CDC73: variants seen among roughly 807,000 people sequenced by gnomAD.
CDC73 encodes the protein parafibromin.
CDC73 carries 21 observed loss-of-function variants against 83.7 expected under a neutral mutation model. The observed-to-expected ratio is 0.25, with a 90% CI of 0.18 to 0.36. The LOEUF is 0.36. CDC73 is among the 10% of genes least tolerant of loss of function. The probability of loss-of-function intolerance (pLI) is 1.00; values close to 1 mark genes in which losing one functional copy is unlikely to be tolerated. For missense variants in CDC73, 342 were observed against 653.3 expected, an observed-to-expected ratio of 0.52 and a Z score of 5.19; for synonymous variants, 224 against 212.9, an observed-to-expected ratio of 1.05 and a Z score of -0.45.
intron 10 of CDC73, among the ~76,000 whole-genome samples, chr1:193,202,613 C>CTTTT (rs35435159): frequency 7.9e-5 from 10 of 126,442 alleles, no homozygotes; most frequent in Admixed American, 7.4e-4. Context: ...CCTCAGGTGT[C>CTTTT]TTTTTTTTTT....
Position 193,122,178 on chromosome 1 carries a change from C to T in CDC73, c.-23C>T. 6.2e-7 allele frequency: 1 copy of T among 1,611,384 alleles called. No individual in the cohort carries two copies. The highest frequency in any genetic ancestry group is 8.5e-7 in the Non-Finnish European group (1 of 1,178,096). The stretch of plus-strand genomic sequence containing the variant: ...CGGCGGCAGCGGCGGCGCCCCGAGC[C>T]GGCGGAGGCGAGGGGGGGGAAGATG... On this transcript the variant is annotated 5_prime_UTR_variant, in exon 1 of 17. Coordinates refer to ENST00000367435, the MANE Select transcript of CDC73 (RefSeq NM_024529.5).
chr1:193,145,749 A>G (rs1469923172), intron 7 of CDC73, among the ~76,000 whole-genome samples: 1 of 152,202 alleles, frequency 6.6e-6, no homozygotes, highest in East Asian at 1.9e-4. Flanking sequence ...AATTATAGGA[A>G]CTAGTTAGCA....
rs1678100837 is a variant in CDC73, at chr1:193,254,573, A to G, written c.*3861A>G. On this transcript the variant is annotated 3_prime_UTR_variant, in exon 17 of 17. Coordinates refer to ENST00000367435, the MANE Select transcript of CDC73 (RefSeq NM_024529.5). Reference sequence around the variant, plus strand: ...CCCAGCATTGTTTATATCTGTTGGAATAATAACTAAGGAAAAATTGAAAAT... The same window carrying G: ...CCCAGCATTGTTTATATCTGTTGGAGTAATAACTAAGGAAAAATTGAAAAT... Among the ~76,000 whole-genome samples the G allele has an allele frequency of 6.6e-6, 1 of 152,158 alleles. No individual in the cohort carries two copies.
At chr1:193,133,570 G>T (rs928588736) in intron 3 of CDC73, among the ~76,000 whole-genome samples, 3 of 152,164 alleles carry the variant, frequency 2.0e-5, no homozygotes, top group Non-Finnish European at 4.4e-5. Context: ...TGTTAGGTTA[G>T]AAATCTATAT....
chr1:193,223,436 C>G (rs1032441303), intron 13 of CDC73, among the ~76,000 whole-genome samples: 1 of 152,074 alleles, frequency 6.6e-6, no homozygotes, highest in African/African-American at 2.4e-5. Flanking sequence ...TATCTAGATA[C>G]TGTTGTTCTT....
chr1:193,234,220 C>CACATAT, intron 14 of CDC73, among the ~76,000 whole-genome samples: 1 of 31,728 alleles, frequency 3.2e-5, no homozygotes, highest in African/African-American at 9.2e-5. Context: ...CACACACACA[C>CACATAT]ATATATATAT....
intron 10 of CDC73, among the ~76,000 whole-genome samples, chr1:193,160,269 T>TA (rs1241790478): frequency 1.3e-5 from 2 of 152,134 alleles, no homozygotes; most frequent in African/African-American, 2.4e-5. Flanking sequence ...AAAGAAAAGT[T>TA]ATTGTTGCCA....
At chr1:193,183,126 T>C (rs1051465859) in intron 10 of CDC73, among the ~76,000 whole-genome samples, 6 of 151,904 alleles carry the variant, frequency 3.9e-5, no homozygotes, top group Admixed American at 2.0e-4. Context: ...TGAATAGTTA[T>C]AAAGTAAAAT....
rs3203682 is a variant in CDC73 at position 193,212,397 on chromosome 1, A to G, written c.1074A>G (p.Arg358=). The part of the protein sequence containing the change: ...RPPPNQKKGS[R]TPIIIIPAAT... Reference sequence around the variant, plus strand: ...TAAATTTTGTCTTTATAGGATCTCGAACACCCATTATCATAATTCCTGCAG... The same window carrying G: ...TAAATTTTGTCTTTATAGGATCTCGGACACCCATTATCATAATTCCTGCAG... Residue 358 remains arginine, a synonymous_variant, in exon 13 of 17, where the codon CGA becomes CGG. Coordinates refer to ENST00000367435, the MANE Select transcript of CDC73 (RefSeq NM_024529.5). 4 of 1,596,092 alleles carry G rather than the reference A, an allele frequency of 2.5e-6. No homozygotes were observed. The highest frequency in any genetic ancestry group is 1.1e-5 in the South Asian group (1 of 87,824).
chr1:193,190,897 T>A (rs1265116495), intron 10 of CDC73, among the ~76,000 whole-genome samples: 4 of 152,284 alleles, frequency 2.6e-5, no homozygotes, highest in African/African-American at 9.6e-5. Context: ...TTTGTGAGGA[T>A]GTTTCTAGTT....
chr1:193,163,202 C>T (rs74899826), intron 10 of CDC73, among the ~76,000 whole-genome samples: 3,459 of 148,916 alleles, frequency 0.023, 132 homozygotes, highest in African/African-American at 0.082. Flanking sequence ...TTTTTTTTTT[C>T]CCCCTCCTAG....
intron 10 of CDC73, among the ~76,000 whole-genome samples, chr1:193,176,240 G>A (rs980011221): frequency 6.6e-6 from 1 of 152,142 alleles, no homozygotes; most frequent in Non-Finnish European, 1.5e-5. Flanking sequence ...GTGACCCTAG[G>A]AACATAGGCC....
At chr1:193,154,113 T>C (rs554697377) in intron 10 of CDC73, among the ~76,000 whole-genome samples, 2 of 152,354 alleles carry the variant, frequency 1.3e-5, no homozygotes, top group African/African-American at 4.8e-5. Context: ...ATTGACATCT[T>C]GGGAACAGAA....
intron 10 of CDC73, among the ~76,000 whole-genome samples, chr1:193,196,385 G>A (rs1677003807): frequency 6.6e-6 from 1 of 152,140 alleles, no homozygotes; most frequent in Non-Finnish European, 1.5e-5. Context: ...TTGCTTTGCA[G>A]TAAGTTTTGA....
chr1:193,197,339 G>T (rs1283201801), intron 10 of CDC73, among the ~76,000 whole-genome samples: 1 of 152,044 alleles, frequency 6.6e-6, no homozygotes, highest in African/African-American at 2.4e-5. Context: ...GCTGAATTCA[G>T]TTTGCTAGGT....
intron 13 of CDC73, among the ~76,000 whole-genome samples, chr1:193,222,218 G>A (rs950656325): frequency 6.6e-6 from 1 of 152,104 alleles, no homozygotes; most frequent in African/African-American, 2.4e-5. Context: ...GGCCATGTTG[G>A]CAGCCACATG....
At chr1:193,163,707 C>G (rs1676383110) in intron 10 of CDC73, among the ~76,000 whole-genome samples, 1 of 152,038 alleles carries the variant, frequency 6.6e-6, no homozygotes, top group Non-Finnish European at 1.5e-5. Context: ...TCTGAGTCAT[C>G]ATTAATATTT....
chr1:193,172,237 CTTTTTTTTTT>C (rs36004862), intron 10 of CDC73, among the ~76,000 whole-genome samples: 1 of 134,362 alleles, frequency 7.4e-6, no homozygotes, highest in Non-Finnish European at 1.6e-5. Context: ...TTTTTGGTAC[CTTTTTTTTTT>C]TTTTTTTTAA....
rs1678078702 is a variant in CDC73 at position 193,253,599 on chromosome 1, C to T, written c.*2887C>T. The T allele has an allele frequency of 4.3e-6, 1 of 231,062 alleles. No homozygotes were observed. Among genetic ancestry groups the T allele is most frequent in the Non-Finnish European group, 8.5e-6 (1 of 117,046 alleles). The allele number at this position is 231,062 out of a possible 1,614,324, so 14.3% of individuals were successfully genotyped here. ...AACTAGTATTATAGTTTGTTTTTTT[C>T]CCATGTCTCCATAACTTTTACTAAC... On this transcript the variant is annotated 3_prime_UTR_variant, in exon 17 of 17. Coordinates refer to ENST00000367435, the MANE Select transcript of CDC73 (RefSeq NM_024529.5).
Sources: allele counts gnomAD v4.1 joint callset (sites outside exome capture counted in the v4.1 genomes callset), GRCh38; gene constraint gnomAD v4.1.1; transcripts MANE v1.5; gene names NCBI Gene and HGNC (gene_info 2026-07-23, HGNC 2026-07-21).